Variants in IFT88 observed in about 807,000 individuals in gnomAD.
The protein encoded by IFT88 is intraflagellar transport protein 88 homolog.
IFT88 carries 74 observed loss-of-function variants against 119.5 expected under a neutral mutation model. That is an observed-to-expected ratio of 0.62 (90% CI 0.51 to 0.75). The LOEUF (loss-of-function observed/expected upper bound fraction) is 0.75, where lower values mean the gene tolerates loss of function less well. Among genes scored for constraint, IFT88 ranks in the 30% least tolerant of loss-of-function variants. The pLI, the probability that IFT88 is intolerant of heterozygous loss-of-function variation, is 0.00. For synonymous variants in IFT88, 279 were observed against 316.7 expected (o/e 0.88, Z 1.26); for missense variants, 961 against 977.7 (o/e 0.98, Z 0.23).
chr13:20,571,439 C>A (rs2036352819), intron 1 of IFT88, among the ~76,000 whole-genome samples: 1 of 148,622 alleles, frequency 6.7e-6, no homozygotes, highest in Non-Finnish European at 1.5e-5. Context: ...CACCTCCCAC[C>A]CCTCAAATTG....
At chr13:20,613,547 A>ATG (rs2045012259) in intron 13 of IFT88, among the ~76,000 whole-genome samples, 1 of 152,190 alleles carries the variant, frequency 6.6e-6, no homozygotes, top group East Asian at 1.9e-4. Context: ...GCATAGACTT[A>ATG]CCATATAACC....
At chr13:20,589,092 G>A (rs1424385866) in intron 3 of IFT88, among the ~76,000 whole-genome samples, 2 of 151,980 alleles carry the variant, frequency 1.3e-5, no homozygotes, top group East Asian at 1.9e-4. Flanking sequence ...CCATCTCTTC[G>A]TTATTTTCAG....
At chr13:20,659,681 T>C (rs2053474909) in intron 22 of IFT88, among the ~76,000 whole-genome samples, 1 of 151,406 alleles carries the variant, frequency 6.6e-6, no homozygotes, top group African/African-American at 2.4e-5. Context: ...TCTCACTCTG[T>C]CACCCAGGCT....
At chr13:20,657,122 C>T (rs1008735574) in intron 22 of IFT88, among the ~76,000 whole-genome samples, 2 of 152,218 alleles carry the variant, frequency 1.3e-5, no homozygotes, top group African/African-American at 4.8e-5. Context: ...TCCCAAAGTG[C>T]TGGGATTACA....
chr13:20,670,947 T>G (rs2055737872), intron 23 of IFT88, 26 bp from the exon 24 acceptor site: 3 of 1,605,682 alleles, frequency 1.9e-6, no homozygotes, highest in Non-Finnish European at 2.6e-6. Context: ...ACTTATTCTT[T>G]TAAACTTGTC....
intron 22 of IFT88, among the ~76,000 whole-genome samples, chr13:20,660,799 T>C (rs2053656420): frequency 6.6e-6 from 1 of 152,132 alleles, no homozygotes; most frequent in African/African-American, 2.4e-5. Context: ...AATCAAAACC[T>C]TTTTTTAGAT....
rs190795656 is a variant in IFT88 at position 20,640,807 on chromosome 13, G to T, written c.1574-483G>T. ...CACTGAAGCTTTGTAGCATCTTTTG[G>T]TGTCTGCCAGTGGAGAATCCCCACC... On this transcript the variant is annotated intron_variant, in intron 17 of 25. Transcript: ENST00000351808. Among the ~76,000 whole-genome samples the T allele has an allele frequency of 3.3e-3, 505 of 151,820 alleles. 1 individual carries two copies. The highest frequency in any genetic ancestry group is 4.0e-3 in the Non-Finnish European group (271 of 67,938).
chr13:20,651,396 A>G (rs1479173154), intron 20 of IFT88, among the ~76,000 whole-genome samples: 1 of 147,882 alleles, frequency 6.8e-6, no homozygotes, highest in Non-Finnish European at 1.5e-5. Context: ...AGGAATTGAA[A>G]GCTGAGGCTC....
At chr13:20,593,503 T>C (rs945017493) in intron 7 of IFT88, among the ~76,000 whole-genome samples, 2 of 151,856 alleles carry the variant, frequency 1.3e-5, no homozygotes, top group African/African-American at 4.8e-5. Context: ...ATAGAATATA[T>C]GTTTTTAAAT....
At chr13:20,661,320 A>T (rs1456619733) in intron 22 of IFT88, among the ~76,000 whole-genome samples, 3 of 152,236 alleles carry the variant, frequency 2.0e-5, no homozygotes, top group Non-Finnish European at 1.5e-5. Flanking sequence ...AGACAGTAGC[A>T]TTAGTAAGGG....
At chr13:20,574,314 A>G (rs1020413967) in intron 1 of IFT88, 66 bp from the exon 2 acceptor site, 2 of 825,216 alleles carry the variant, frequency 2.4e-6, no homozygotes, top group East Asian at 5.8e-5. Context: ...AGCAAGACAT[A>G]TCTCAAAAAA....
intron 2 of IFT88, 30 bp from the exon 3 acceptor site, chr13:20,582,927 T>A: frequency 6.3e-7 from 1 of 1,575,402 alleles, no homozygotes; most frequent in Non-Finnish European, 8.7e-7. Flanking sequence ...TTACTCTGTG[T>A]TGAATGTTAA....
At chr13:20,621,526 T>TAAAAAAAAAAAAAAAAAAAAAAAA (rs200491393) in intron 14 of IFT88, among the ~76,000 whole-genome samples, 1 of 130,746 alleles carries the variant, frequency 7.6e-6, no homozygotes, top group Admixed American at 7.4e-5. Flanking sequence ...CCTGCTGAGA[T>TAAAAAAAAAAAAAAAAAAAAAAAA]AAAAAAAAAA....
chr13:20,595,286 T>A (rs1414062227), intron 7 of IFT88, among the ~76,000 whole-genome samples: 4 of 152,122 alleles, frequency 2.6e-5, no homozygotes, highest in African/African-American at 4.8e-5. Context: ...ATTTTTATTT[T>A]TTTTTATTTT....
chr13:20,672,773 CTA>C (rs1343646388), intron 24 of IFT88, among the ~76,000 whole-genome samples: 1 of 152,198 alleles, frequency 6.6e-6, no homozygotes, highest in Non-Finnish European at 1.5e-5. Flanking sequence ...TAAATAAAGA[CTA>C]TGAATAGCCT....
At chr13:20,594,445 T>C (rs2041285875) in intron 7 of IFT88, among the ~76,000 whole-genome samples, 1 of 152,164 alleles carries the variant, frequency 6.6e-6, no homozygotes, top group African/African-American at 2.4e-5. Flanking sequence ...AATGAGATTC[T>C]CTTGACTTGC....
intron 19 of IFT88, among the ~76,000 whole-genome samples, chr13:20,644,587 C>G (rs1172703092): frequency 6.6e-6 from 1 of 151,836 alleles, no homozygotes; most frequent in Non-Finnish European, 1.5e-5. Flanking sequence ...CTTTTTTATT[C>G]TTTTAAATAT....
At chr13:20,569,231 A>G (rs957047004) in intron 1 of IFT88, among the ~76,000 whole-genome samples, 3 of 146,510 alleles carry the variant, frequency 2.0e-5, no homozygotes, top group African/African-American at 7.3e-5. Context: ...TAGATATGAT[A>G]CCAAAAGTAC....
At chr13:20,660,410 G>C (rs2053591571) in intron 22 of IFT88, among the ~76,000 whole-genome samples, 1 of 152,200 alleles carries the variant, frequency 6.6e-6, no homozygotes, top group South Asian at 2.1e-4. Context: ...TGAGCCATTG[G>C]AGGATTTTGT....
Sources: allele counts gnomAD v4.1 joint callset (sites outside exome capture counted in the v4.1 genomes callset), GRCh38; gene constraint gnomAD v4.1.1; transcripts MANE v1.5; gene names NCBI Gene and HGNC (gene_info 2026-07-23, HGNC 2026-07-21).